The following RNGTT variants were observed in gnomAD, a reference collection of about 807,000 sequenced individuals.
The protein encoded by RNGTT is RNA guanylyltransferase and 5'-phosphatase, also known as mRNA-capping enzyme.
In RNGTT, 33 loss-of-function variants were observed where a neutral mutation model predicts 79.3. The observed-to-expected ratio is 0.42, with a 90% CI of 0.32 to 0.56. The LOEUF is 0.56. Among genes scored for constraint, RNGTT ranks in the 20% least tolerant of loss-of-function variants. The pLI, the probability that RNGTT is intolerant of heterozygous loss-of-function variation, is 0.17. For missense variants in RNGTT, 497 were observed against 739.1 expected (o/e 0.67, Z 3.80); for synonymous variants, 222 against 235.9 (o/e 0.94, Z 0.54).
chr6:88,699,986 T>A (rs1031778942), intron 13 of RNGTT, among the ~76,000 whole-genome samples: 1 of 152,132 alleles, frequency 6.6e-6, no homozygotes, highest in African/African-American at 2.4e-5. Context: ...GTTCTGGAAA[T>A]GGAAAGTGAA....
intron 1 of RNGTT, among the ~76,000 whole-genome samples, chr6:88,950,221 T>A (rs1463272722): frequency 6.6e-6 from 1 of 152,196 alleles, no homozygotes; most frequent in African/African-American, 2.4e-5. Context: ...AAAATATTAC[T>A]GCTCACTGAC....
At chr6:88,644,503 G>A (rs1297904028) in intron 14 of RNGTT, among the ~76,000 whole-genome samples, 1 of 152,162 alleles carries the variant, frequency 6.6e-6, no homozygotes, top group East Asian at 1.9e-4. Context: ...CTCATTTTAT[G>A]AGGCCAGCAT....
chr6:88,821,266 C>G (rs988489070), intron 11 of RNGTT, among the ~76,000 whole-genome samples: 3 of 152,062 alleles, frequency 2.0e-5, no homozygotes, highest in African/African-American at 7.2e-5. Context: ...TAAATAAATT[C>G]TGAAGTTGCA....
intron 13 of RNGTT, among the ~76,000 whole-genome samples, chr6:88,729,443 T>G (rs1248380952): frequency 6.6e-6 from 1 of 151,572 alleles, no homozygotes. Context: ...ATGGGTCTTT[T>G]GACTCTCACA....
At chr6:88,809,771 A>G (rs1780074738) in intron 11 of RNGTT, among the ~76,000 whole-genome samples, 1 of 151,716 alleles carries the variant, frequency 6.6e-6, no homozygotes, top group East Asian at 1.9e-4. Context: ...ATCAATGACC[A>G]GGCACAATGG....
At chr6:88,797,627 T>G (rs1196957807) in intron 12 of RNGTT, among the ~76,000 whole-genome samples, 3 of 151,938 alleles carry the variant, frequency 2.0e-5, no homozygotes, top group Non-Finnish European at 2.9e-5. Context: ...ATATTAATAA[T>G]TATAATAACC....
chr6:88,662,774 G>A (rs1487049379), intron 14 of RNGTT, among the ~76,000 whole-genome samples: 1 of 152,242 alleles, frequency 6.6e-6, no homozygotes, highest in Non-Finnish European at 1.5e-5. Flanking sequence ...CCACAGCAGT[G>A]TGCGGCAGAC....
intron 11 of RNGTT, among the ~76,000 whole-genome samples, chr6:88,826,842 ATATG>A (rs1432888318): frequency 7.7e-5 from 10 of 130,606 alleles, no homozygotes; most frequent in South Asian, 2.3e-4. Context: ...ATATATATAT[ATATG>A]TGTGTGTGTA....
intron 8 of RNGTT, 87 bp downstream of exon 8, chr6:88,890,408 C>T (rs994365282): frequency 2.4e-6 from 2 of 840,480 alleles, no homozygotes; most frequent in Admixed American, 5.0e-5. Flanking sequence ...AATTCACACT[C>T]TCAAGAGTGT....
intron 1 of RNGTT, among the ~76,000 whole-genome samples, chr6:88,944,232 T>A (rs1396655331): frequency 1.3e-5 from 2 of 152,204 alleles, no homozygotes; most frequent in Non-Finnish European, 1.5e-5. Flanking sequence ...TAACAATAAG[T>A]ATTGTTATTA....
chr6:88,878,092 A>G (rs1265208603), intron 8 of RNGTT, among the ~76,000 whole-genome samples: 1 of 151,544 alleles, frequency 6.6e-6, no homozygotes, highest in Non-Finnish European at 1.5e-5. Flanking sequence ...TTATTTATTT[A>G]TTTATTTATT....
chr6:88,809,502 G>T (rs1489568307), intron 11 of RNGTT, among the ~76,000 whole-genome samples: 4 of 151,846 alleles, frequency 2.6e-5, no homozygotes, highest in Admixed American at 2.6e-4. Flanking sequence ...TTTCCTAAAT[G>T]CGTACAACAC....
chr6:88,943,376 A>C (rs1397932887), intron 1 of RNGTT, among the ~76,000 whole-genome samples: 1 of 152,190 alleles, frequency 6.6e-6, no homozygotes, highest in Non-Finnish European at 1.5e-5. Flanking sequence ...TCTCACACCC[A>C]ACATCCAATC....
chr6:88,954,027 T>C (rs1208591399), intron 1 of RNGTT, among the ~76,000 whole-genome samples: 1 of 152,176 alleles, frequency 6.6e-6, no homozygotes, highest in Admixed American at 6.5e-5. Flanking sequence ...TAGAACATCC[T>C]TAAAGCATAA....
chr6:88,707,002 G>A (rs1776151504), intron 13 of RNGTT, among the ~76,000 whole-genome samples: 1 of 152,124 alleles, frequency 6.6e-6, no homozygotes, highest in Non-Finnish European at 1.5e-5. Flanking sequence ...GAGGAAGAAG[G>A]TGATGAATTA....
intron 13 of RNGTT, among the ~76,000 whole-genome samples, chr6:88,747,631 G>A (rs947226071): frequency 2.0e-5 from 3 of 152,176 alleles, no homozygotes; most frequent in Admixed American, 6.5e-5. Flanking sequence ...TATGACAGCA[G>A]GGCAGACAGT....
At chr6:88,755,177 C>T (rs1387962506) in intron 13 of RNGTT, among the ~76,000 whole-genome samples, 3 of 152,106 alleles carry the variant, frequency 2.0e-5, no homozygotes, top group East Asian at 1.9e-4. Context: ...AAAAGGAAGA[C>T]GTTAGCAGTT....
intron 13 of RNGTT, among the ~76,000 whole-genome samples, chr6:88,711,731 A>C (rs1776325856): frequency 6.6e-6 from 1 of 152,216 alleles, no homozygotes; most frequent in Non-Finnish European, 1.5e-5. Context: ...CATACTGATA[A>C]ATACCTACAC....
At chr6:88,689,710 C>T (rs966547634) in intron 13 of RNGTT, among the ~76,000 whole-genome samples, 1 of 151,318 alleles carries the variant, frequency 6.6e-6, no homozygotes, top group Non-Finnish European at 1.5e-5. Flanking sequence ...TTTAAATTCA[C>T]CAATATTTAA....
Sources: gnomAD v4.1 joint callset for allele counts (sites outside exome capture counted in the v4.1 genomes callset) on GRCh38, gnomAD v4.1.1 for gene constraint, MANE v1.5 for transcripts, NCBI Gene and HGNC (gene_info 2026-07-23, HGNC 2026-07-21) for gene names.